TKTL1: variants seen among roughly 807,000 people sequenced by gnomAD.
TKTL1 encodes transketolase-like protein 1.
Under a neutral mutation model 39.3 loss-of-function variants are expected in TKTL1, and 1 was observed. That is an observed-to-expected ratio of 0.03 (90% CI 0.01 to 0.12). The LOEUF (loss-of-function observed/expected upper bound fraction) is 0.12. Ranked by LOEUF, TKTL1 falls within the 10% of genes least tolerant of loss-of-function variation. TKTL1 has a pLI of 1.00. For synonymous variants in TKTL1, 262 were observed against 193.8 expected (o/e 1.35, Z -2.92); for missense variants, 575 against 509.6 (o/e 1.13, Z -1.24).
At chrX:154,327,766 T>C in intron 11 of TKTL1, 73 bp from the exon 12 acceptor site, 1 of 1,203,635 alleles carries the variant, frequency 8.3e-7, no homozygotes, top group Non-Finnish European at 1.1e-6. Context: ...CCCTGAGTGC[T>C]CTTTTTATTT....
intron 2 of TKTL1, among the ~76,000 whole-genome samples, chrX:154,307,419 TGGGAACG>T (rs1217975751): frequency 1.8e-5 from 2 of 112,020 alleles, no homozygotes; most frequent in Non-Finnish European, 3.8e-5. Flanking sequence ...GTGGTTTGCC[TGGGAACG>T]GGGTAAACAG....
chrX:154,308,575 A>T (rs886757653), intron 2 of TKTL1, among the ~76,000 whole-genome samples: 11 of 112,055 alleles, frequency 9.8e-5, no homozygotes, highest in African/African-American at 3.6e-4. Flanking sequence ...GCAGTGACAG[A>T]GGCAAGGGAT....
intron 1 of TKTL1, among the ~76,000 whole-genome samples, chrX:154,299,149 C>CTTTTTTTTTTTTTTTTT (rs1180562974): frequency 1.1e-4 from 4 of 35,926 alleles, no homozygotes; most frequent in Non-Finnish European, 2.1e-4. Context: ...CTTTTTCTTT[C>CTTTTTTTTTTTTTTTTT]TTTTTTTTTT....
At chrX:154,326,622 A>T (rs1179426920) in intron 10 of TKTL1, among the ~76,000 whole-genome samples, 2 of 112,506 alleles carry the variant, frequency 1.8e-5, no homozygotes, top group African/African-American at 6.5e-5. Flanking sequence ...AAACGCCACC[A>T]AATGGAAAAG....
chrX:154,317,105 C>A (rs782251300), intron 7 of TKTL1, among the ~76,000 whole-genome samples: 4 of 111,418 alleles, frequency 3.6e-5, no homozygotes, highest in Non-Finnish European at 7.5e-5. Flanking sequence ...GAAAACAATG[C>A]GATCCGTAAT....
At chrX:154,325,069 G>A (rs981278166) in intron 9 of TKTL1, among the ~76,000 whole-genome samples, 23 of 111,979 alleles carry the variant, frequency 2.1e-4, no homozygotes, top group Non-Finnish European at 2.8e-4. Flanking sequence ...GTGAGTTAAT[G>A]TTCTGTCTGC....
At chrX:154,307,730 G>A in intron 2 of TKTL1, among the ~76,000 whole-genome samples, 1 of 112,661 alleles carries the variant, frequency 8.9e-6, no homozygotes, top group Non-Finnish European at 1.9e-5. Context: ...CTGAGCCCAG[G>A]CTCGGTCCAT....
At chrX:154,329,413 G>C (rs2067519583) in intron 12 of TKTL1, 103 bp from the exon 13 acceptor site, 1 of 874,333 alleles carries the variant, frequency 1.1e-6, no homozygotes, top group Non-Finnish European at 1.6e-6. Flanking sequence ...ACATGAATCA[G>C]ATTTTCCCCT....
At chrX:154,323,397 T>C in intron 9 of TKTL1, 60 bp downstream of exon 9, 1 of 1,135,035 alleles carries the variant, frequency 8.8e-7, no homozygotes, top group Non-Finnish European at 1.2e-6. Flanking sequence ...GCTAGTTTCA[T>C]ACTGATGATT....
chrX:154,306,406 A>C (rs1467136613), intron 2 of TKTL1, among the ~76,000 whole-genome samples: 6 of 111,816 alleles, frequency 5.4e-5, no homozygotes, highest in Non-Finnish European at 5.6e-5. Context: ...AGCTGAAGTA[A>C]GTGCCTAAAG....
At chrX:154,327,207 G>GA (rs1407892029) in intron 10 of TKTL1, 1 of 320,080 alleles carries the variant, frequency 3.1e-6, no homozygotes, top group Non-Finnish European at 6.0e-6. Context: ...TTGTGCCACT[G>GA]AACAGATCTT....
In TKTL1 at chrX:154,311,350, C is replaced by T. The variant is rs1557168338; in HGVS notation, c.670+112C>T. On this transcript the variant is annotated intron_variant, in intron 5 of 12. Transcript: ENST00000369915. ...GGCAGATGACTCATTTAGTGAATAGCAGTTCTGCCTGGAGTATATGTTGGA... is the reference window on the plus strand; with the variant it reads ...GGCAGATGACTCATTTAGTGAATAGTAGTTCTGCCTGGAGTATATGTTGGA... The T allele has an allele frequency of 3.9e-6, 4 of 1,025,551 alleles. No homozygotes were observed. The East Asian group carries it at 1.2e-4, about 31-fold the overall frequency. 84.5% of individuals were successfully genotyped at this position (1,025,551 alleles called of 1,213,427 possible).
chrX:154,316,850 A>G (rs782644034), intron 7 of TKTL1, among the ~76,000 whole-genome samples: 5 of 107,430 alleles, frequency 4.7e-5, no homozygotes, highest in South Asian at 8.3e-4. Flanking sequence ...GCTCACTGCA[A>G]CCTCTGCCTC....
At chrX:154,304,075 T>TG (rs1557166625) in intron 1 of TKTL1, among the ~76,000 whole-genome samples, 1 of 109,126 alleles carries the variant, frequency 9.2e-6, no homozygotes, top group African/African-American at 3.3e-5. Context: ...CCCTCAGCAG[T>TG]GGGGAGAGAG....
chrX:154,315,566 G>A (rs1190492640), intron 7 of TKTL1, among the ~76,000 whole-genome samples: 12 of 111,248 alleles, frequency 1.1e-4, no homozygotes, highest in African/African-American at 3.9e-4. Context: ...GTTGGCTGAG[G>A]GCAGCAGGCC....
chrX:154,297,492 G>A (rs1359872469), intron 1 of TKTL1, among the ~76,000 whole-genome samples: 1 of 111,127 alleles, frequency 9.0e-6, no homozygotes, highest in Admixed American at 9.5e-5. Context: ...TCCTGACCTC[G>A]TGATCCGCCC....
intron 2 of TKTL1, among the ~76,000 whole-genome samples, chrX:154,307,092 C>A (rs1046618837): frequency 1.2e-4 from 13 of 110,866 alleles, no homozygotes; most frequent in African/African-American, 4.3e-4. Flanking sequence ...GGCAACATAG[C>A]AAGACCCCAG....
intron 12 of TKTL1, 148 bp downstream of exon 12, chrX:154,328,106 AC>A: frequency 3.9e-6 from 3 of 760,256 alleles, no homozygotes; most frequent in Non-Finnish European, 5.8e-6. Flanking sequence ...GTGGGGCCAT[AC>A]TCATACACAT....
At position 154,311,107 on chromosome X, in the gene TKTL1, G is replaced by A. The variant is rs2148806036; in HGVS notation, c.543-4G>A. The A allele has an allele frequency of 1.7e-6, 2 of 1,211,631 alleles. No individual in the cohort carries two copies. Among genetic ancestry groups the A allele is most frequent in the Non-Finnish European group, 2.2e-6 (2 of 895,317 alleles). ...TGTAACCCAGCCTGCTCCTCTGTTG[G>A]CAGGTGGAACACTTATGTGGTGGAC... On this transcript the variant is annotated splice_polypyrimidine_tract_variant and splice_region_variant and intron_variant, in intron 4 of 12. Transcript: ENST00000369915.
Sources: gnomAD v4.1 joint callset for allele counts (sites outside exome capture counted in the v4.1 genomes callset) on GRCh38, gnomAD v4.1.1 for gene constraint, MANE v1.5 for transcripts, NCBI Gene and HGNC (gene_info 2026-07-23, HGNC 2026-07-21) for gene names.